HIGD1C: variants seen among roughly 807,000 people sequenced by gnomAD.
HIGD1C encodes HIG1 hypoxia inducible domain family member 1C, also known as HIG1 domain family member 1C.
Under a neutral mutation model 13.1 loss-of-function variants are expected in HIGD1C, and 11 were observed. That is an observed-to-expected ratio of 0.84 (90% CI 0.53 to 1.39). HIGD1C has a LOEUF of 1.39. Ranked by LOEUF, HIGD1C falls within the 40% of genes most tolerant of loss-of-function variation. HIGD1C has a pLI of 0.00. For missense variants in HIGD1C, 110 were observed against 112.0 expected (o/e 0.98, Z 0.08); for synonymous variants, 36 against 37.7 (o/e 0.95, Z 0.17).
intron 1 of HIGD1C, among the ~76,000 whole-genome samples, chr12:50,956,006 C>T (rs1468525550): frequency 1.3e-5 from 2 of 152,196 alleles, no homozygotes; most frequent in Admixed American, 1.3e-4. Context: ...TGACTTTAAT[C>T]TCCAAAAGAA....
At chr12:50,951,363 C>T (rs1938891948), upstream of HIGD1C, among the ~76,000 whole-genome samples, 1 of 152,116 alleles carries the variant, frequency 6.6e-6, no homozygotes. Flanking sequence ...TGGCAAATGC[C>T]ACAGAACAGG....
downstream of HIGD1C, chr12:50,970,551 T>C (rs1939726218): frequency 8.5e-7 from 1 of 1,180,008 alleles, no homozygotes; most frequent in Non-Finnish European, 1.2e-6. Context: ...TTCTGAAAAC[T>C]ATTTATTATG....
exon 2 of HIGD1C, chr12:50,961,087 G>A: frequency 1.2e-6 from 2 of 1,613,830 alleles, no homozygotes; most frequent in East Asian, 4.5e-5. Context: ...ATTTGTTGTT[G>A]GAGCTGTGAC....
chr12:50,932,175 G>GA, the HIGD1C span: 1 of 152,114 alleles, frequency 6.6e-6, no homozygotes, highest in South Asian at 2.1e-4. Flanking sequence ...ACTAAATTAG[G>GA]AAAACCTTGA....
intron 2 of HIGD1C, among the ~76,000 whole-genome samples, chr12:50,968,119 G>C (rs1197646857): frequency 6.6e-6 from 1 of 151,926 alleles, no homozygotes; most frequent in Non-Finnish European, 1.5e-5. Context: ...AGGAGGAGGA[G>C]GAGGAGGAGA....
At chr12:50,961,238 T>G (rs928834213) in intron 2 of HIGD1C, 136 bp downstream of exon 4, 1 of 918,382 alleles carries the variant, frequency 1.1e-6, no homozygotes, top group African/African-American at 1.7e-5. Context: ...TGATCTTCCC[T>G]TAGTTGAGGT....
chr12:50,969,615 C>T (rs1364087191), intron 2 of HIGD1C, among the ~76,000 whole-genome samples: 2 of 151,450 alleles, frequency 1.3e-5, no homozygotes, highest in African/African-American at 4.8e-5. Context: ...AGGAGAATCG[C>T]TTGAACCTGG....
the HIGD1C span, among the ~76,000 whole-genome samples, chr12:50,937,057 T>C: frequency 6.9e-4 from 105 of 152,246 alleles, no homozygotes; most frequent in Non-Finnish European, 8.5e-4. Context: ...GTCAGACACA[T>C]TGCTTATTAC....
At chr12:50,970,559 A>G, downstream of HIGD1C, 5 of 1,110,068 alleles carry the variant, frequency 4.5e-6, no homozygotes, top group Non-Finnish European at 6.6e-6. Context: ...ACTATTTATT[A>G]TGAAGAATAA....
At chr12:50,937,597 C>T in the HIGD1C span, among the ~76,000 whole-genome samples, 4 of 152,080 alleles carry the variant, frequency 2.6e-5, no homozygotes, top group African/African-American at 9.7e-5. Context: ...TCTTTCAGTC[C>T]CACCATTCGG....
At chr12:50,945,296 C>T in the HIGD1C span, among the ~76,000 whole-genome samples, 1 of 152,180 alleles carries the variant, frequency 6.6e-6, no homozygotes, top group East Asian at 1.9e-4. Context: ...GTCAAATCGT[C>T]CCTGTTTGCA....
chr12:50,944,145 A>C, the HIGD1C span, among the ~76,000 whole-genome samples: 1 of 151,974 alleles, frequency 6.6e-6, no homozygotes, highest in African/African-American at 2.4e-5. Context: ...AAATGTAAGA[A>C]CCTCACAGAT....
chr12:50,965,729 AT>A (rs893980774), intron 2 of HIGD1C, among the ~76,000 whole-genome samples: 5 of 152,182 alleles, frequency 3.3e-5, no homozygotes. Context: ...AAAATCCCCC[AT>A]AAATGTGATT....
At chr12:50,968,660 G>T (rs1363193971) in intron 2 of HIGD1C, among the ~76,000 whole-genome samples, 1 of 151,978 alleles carries the variant, frequency 6.6e-6, no homozygotes, top group East Asian at 1.9e-4. Context: ...TCCTCACTTT[G>T]CCTCCTGAGT....
rs769097305 is a variant in HIGD1C at position 50,953,976 on chromosome 12, T to C, written c.-23T>C. ...ATGATTCACGGCAACCACATTTATATCCTATTGTTACTAGAGAAAAAAATG... is the reference window on the plus strand; with the variant it reads ...ATGATTCACGGCAACCACATTTATACCCTATTGTTACTAGAGAAAAAAATG... On this transcript the variant is annotated 5_prime_UTR_variant, in exon 1 of 3. Coordinates refer to ENST00000398455, the Ensembl canonical transcript of HIGD1C. 5.0e-6 allele frequency: 7 copies of C among 1,404,686 alleles called. No individual in the cohort carries two copies. The highest frequency in any genetic ancestry group is 1.8e-4 in the Middle Eastern group (1 of 5,632). 87.0% of individuals were successfully genotyped at this position (1,404,686 alleles called of 1,614,324 possible). A position where few individuals can be genotyped will look rare whatever the true frequency, so the allele number is the denominator to read the frequency against.
At chr12:50,951,677 TG>T (rs1938899383), upstream of HIGD1C, among the ~76,000 whole-genome samples, 1 of 152,024 alleles carries the variant, frequency 6.6e-6, no homozygotes, top group Non-Finnish European at 1.5e-5. Flanking sequence ...TCAGCACTTT[TG>T]GGAGGCCAAG....
intron 2 of HIGD1C, among the ~76,000 whole-genome samples, chr12:50,965,133 A>G (rs2139819805): frequency 6.6e-6 from 1 of 151,948 alleles, no homozygotes; most frequent in Middle Eastern, 3.4e-3. Context: ...TTGTTTTTTG[A>G]GACAGGGTCT....
chr12:50,950,616 C>T (rs1467342570), upstream of HIGD1C, among the ~76,000 whole-genome samples: 1 of 151,984 alleles, frequency 6.6e-6, no homozygotes, highest in East Asian at 1.9e-4. Context: ...AATTCTCCTG[C>T]CTCAGCCTCC....
At chr12:50,941,623 C>A in the HIGD1C span, among the ~76,000 whole-genome samples, 2 of 152,118 alleles carry the variant, frequency 1.3e-5, no homozygotes, top group Non-Finnish European at 2.9e-5. Context: ...ATAAACGTAC[C>A]ATTTCAGGAG....
Sources: gnomAD v4.1 joint callset for allele counts (sites outside exome capture counted in the v4.1 genomes callset) on GRCh38, gnomAD v4.1.1 for gene constraint, MANE v1.5 for transcripts, NCBI Gene and HGNC (gene_info 2026-07-23, HGNC 2026-07-21) for gene names.